The following PKNOX2 variants were observed in gnomAD, a reference collection of about 807,000 sequenced individuals.
PKNOX2 encodes PBX/knotted 1 homeobox 2, also known as homeobox protein PKNOX2.
In PKNOX2, 14 loss-of-function variants were observed where a neutral mutation model predicts 53.1. The observed-to-expected ratio is 0.26, with a 90% CI of 0.17 to 0.41. The LOEUF (loss-of-function observed/expected upper bound fraction) is 0.41, where lower values mean the gene tolerates loss of function less well. PKNOX2 is among the 10% of genes least tolerant of loss of function. The pLI, the probability that PKNOX2 is intolerant of heterozygous loss-of-function variation, is 1.00. For synonymous variants in PKNOX2, 257 were observed against 242.8 expected (o/e 1.06, Z -0.54); for missense variants, 496 against 602.8 (o/e 0.82, Z 1.85).
intron 4 of PKNOX2, among the ~76,000 whole-genome samples, chr11:125,366,673 A>G (rs1952206750): frequency 2.0e-5 from 3 of 152,242 alleles, no homozygotes; most frequent in African/African-American, 7.2e-5. Flanking sequence ...AGAAGATCTA[A>G]ATGAAGACAT....
At chr11:125,226,120 A>G (rs1045544978) in intron 1 of PKNOX2, among the ~76,000 whole-genome samples, 8 of 152,328 alleles carry the variant, frequency 5.3e-5, no homozygotes, top group African/African-American at 1.9e-4. Flanking sequence ...AACTTTTCAA[A>G]GTATGTAATT....
At chr11:125,182,587 A>G (rs1956216517) in intron 1 of PKNOX2, among the ~76,000 whole-genome samples, 1 of 152,212 alleles carries the variant, frequency 6.6e-6, no homozygotes. Context: ...AGTACCTGGC[A>G]TATTACAGAT....
At chr11:125,372,309 G>A (rs1952602126) in intron 5 of PKNOX2, among the ~76,000 whole-genome samples, 1 of 152,202 alleles carries the variant, frequency 6.6e-6, no homozygotes, top group African/African-American at 2.4e-5. Context: ...AAGACGTGAG[G>A]CTCTCGCTGC....
At chr11:125,195,526 G>A (rs1957126868) in intron 1 of PKNOX2, among the ~76,000 whole-genome samples, 2 of 152,042 alleles carry the variant, frequency 1.3e-5, no homozygotes, top group Admixed American at 6.6e-5. Flanking sequence ...TTTGTGTGGA[G>A]GCCAAAAGAG....
chr11:125,167,728 G>C (rs901371051), intron 1 of PKNOX2, among the ~76,000 whole-genome samples: 1 of 152,160 alleles, frequency 6.6e-6, no homozygotes, highest in African/African-American at 2.4e-5. Context: ...GTTAATGAAA[G>C]TGCTGCTTTC....
At chr11:125,380,773 G>A (rs530520841) in intron 5 of PKNOX2, among the ~76,000 whole-genome samples, 1 of 152,364 alleles carries the variant, frequency 6.6e-6, no homozygotes, top group Admixed American at 6.5e-5. Context: ...TATTACAGGT[G>A]GCTTTGATGG....
chr11:125,209,755 A>G (rs919869510), intron 1 of PKNOX2, among the ~76,000 whole-genome samples: 2 of 152,014 alleles, frequency 1.3e-5, no homozygotes, highest in Admixed American at 6.6e-5. Context: ...AAACAAATAA[A>G]GAGGCAAAAG....
chr11:125,341,906 CA>C (rs1489401586), intron 3 of PKNOX2, among the ~76,000 whole-genome samples: 20 of 152,212 alleles, frequency 1.3e-4, no homozygotes, highest in African/African-American at 4.8e-4. Flanking sequence ...AACACAGAGC[CA>C]GTGTACCCGC....
chr11:125,406,586 G>T (rs1277403753), intron 7 of PKNOX2, among the ~76,000 whole-genome samples: 1 of 152,142 alleles, frequency 6.6e-6, no homozygotes, highest in Non-Finnish European at 1.5e-5. Flanking sequence ...CACTGTGCTT[G>T]CATTGGAGCC....
intron 2 of PKNOX2, among the ~76,000 whole-genome samples, chr11:125,255,162 T>C (rs1460534813): frequency 2.0e-5 from 3 of 152,188 alleles, no homozygotes; most frequent in Non-Finnish European, 4.4e-5. Flanking sequence ...GGCTGGTTAG[T>C]GCGCTTAGCA....
intron 5 of PKNOX2, among the ~76,000 whole-genome samples, chr11:125,376,253 G>A (rs919533369): frequency 2.6e-5 from 4 of 152,164 alleles, no homozygotes; most frequent in Non-Finnish European, 5.9e-5. Flanking sequence ...TTAGCAACTC[G>A]AAGAAGTCCT....
intron 2 of PKNOX2, among the ~76,000 whole-genome samples, chr11:125,250,090 A>T (rs1243214048): frequency 7.1e-6 from 1 of 139,932 alleles, no homozygotes; most frequent in Non-Finnish European, 1.6e-5. Flanking sequence ...AAAAAAAAAA[A>T]ACAATTTAGA....
At chr11:125,253,448 G>A (rs191061442) in intron 2 of PKNOX2, among the ~76,000 whole-genome samples, 4 of 152,096 alleles carry the variant, frequency 2.6e-5, no homozygotes, top group African/African-American at 9.7e-5. Flanking sequence ...AGAGGAGGGT[G>A]GCTCAGCCCT....
intron 2 of PKNOX2, among the ~76,000 whole-genome samples, chr11:125,315,422 G>T (rs548692615): frequency 6.6e-6 from 1 of 152,030 alleles, no homozygotes; most frequent in African/African-American, 2.4e-5. Context: ...CAGCCCATGG[G>T]GTCTGCTACC....
intron 1 of PKNOX2, among the ~76,000 whole-genome samples, chr11:125,227,451 C>T (rs1006508788): frequency 2.0e-5 from 3 of 152,226 alleles, no homozygotes; most frequent in Admixed American, 6.5e-5. Flanking sequence ...CTCTCAGTAC[C>T]TTGTACAGGT....
intron 5 of PKNOX2, among the ~76,000 whole-genome samples, chr11:125,375,173 A>G (rs1952765807): frequency 6.6e-6 from 1 of 152,224 alleles, no homozygotes; most frequent in African/African-American, 2.4e-5. Flanking sequence ...TTCTTTAGAT[A>G]AGCTTTCCTA....
At chr11:125,307,635 A>G (rs1466625027) in intron 2 of PKNOX2, among the ~76,000 whole-genome samples, 1 of 152,250 alleles carries the variant, frequency 6.6e-6, no homozygotes, top group Non-Finnish European at 1.5e-5. Context: ...AAGTGAAATC[A>G]TAAGTGTTCG....
chr11:125,271,775 C>T (rs1420017866), intron 2 of PKNOX2, among the ~76,000 whole-genome samples: 3 of 152,142 alleles, frequency 2.0e-5, no homozygotes, highest in African/African-American at 7.2e-5. Flanking sequence ...GGGCCTTGCT[C>T]CAGCTCATAG....
chr11:125,295,644 T>A (rs1244699117), intron 2 of PKNOX2, among the ~76,000 whole-genome samples: 1 of 152,134 alleles, frequency 6.6e-6, no homozygotes, highest in Non-Finnish European at 1.5e-5. Flanking sequence ...TAGACCCTAG[T>A]GTCAGGTGTG....
Sources: gnomAD v4.1 joint callset for allele counts (sites outside exome capture counted in the v4.1 genomes callset) on GRCh38, gnomAD v4.1.1 for gene constraint, MANE v1.5 for transcripts, NCBI Gene and HGNC (gene_info 2026-07-23, HGNC 2026-07-21) for gene names.